The following ANTXR1 variants were observed in gnomAD, a reference collection of about 807,000 sequenced individuals.
ANTXR1 encodes anthrax toxin receptor 1.
In ANTXR1, 19 loss-of-function variants were observed where a neutral mutation model predicts 78.1. That is an observed-to-expected ratio of 0.24 (90% CI 0.17 to 0.36). The LOEUF (loss-of-function observed/expected upper bound fraction) is 0.36. Ranked by LOEUF, ANTXR1 falls within the 10% of genes least tolerant of loss-of-function variation. ANTXR1 has a pLI of 1.00. For missense variants in ANTXR1, 518 were observed against 718.6 expected (o/e 0.72, Z 3.19); for synonymous variants, 273 against 260.5 (o/e 1.05, Z -0.46).
At position 69,044,484 on chromosome 2, in the gene ANTXR1, G is replaced by A. The variant is rs539934029; in HGVS notation, c.225-258G>A. Among the ~76,000 whole-genome samples the A allele has an allele frequency of 3.3e-5, 5 of 152,156 alleles. No individual in the cohort carries two copies. In the South Asian group the frequency reaches 6.2e-4, roughly 19 times the overall value. On this transcript the variant is annotated intron_variant, in intron 2 of 17. Coordinates refer to ENST00000303714, the MANE Select transcript of ANTXR1 (RefSeq NM_032208.3). ...ACAATGAAGTTTATCATTCTTACTC[G>A]TAATCCACACTCACTAAGCAATGAT... is the stretch of plus-strand genomic sequence containing the variant.
intron 17 of ANTXR1, among the ~76,000 whole-genome samples, chr2:69,206,619 T>C (rs1335077671): frequency 6.6e-6 from 1 of 152,202 alleles, no homozygotes; most frequent in Non-Finnish European, 1.5e-5. Flanking sequence ...AGCCATTGCT[T>C]TAGTGTCCCA....
intron 13 of ANTXR1, among the ~76,000 whole-genome samples, chr2:69,158,553 A>C (rs776357937): frequency 6.6e-6 from 1 of 152,210 alleles, no homozygotes; most frequent in African/African-American, 2.4e-5. Context: ...TGGTGGTTCA[A>C]CTTAGAATTT....
chr2:69,052,806 G>A (rs1669963092), intron 3 of ANTXR1, among the ~76,000 whole-genome samples: 1 of 151,998 alleles, frequency 6.6e-6, no homozygotes, highest in South Asian at 2.1e-4. Flanking sequence ...ACATCTGAGA[G>A]AATGTTTCAT....
At chr2:69,060,369 C>A (rs920186295) in intron 3 of ANTXR1, among the ~76,000 whole-genome samples, 2 of 152,268 alleles carry the variant, frequency 1.3e-5, no homozygotes, top group Admixed American at 6.5e-5. Context: ...CTGTCTTCCT[C>A]CAAAGCTCAT....
chr2:69,063,629 T>C (rs1670311013), intron 3 of ANTXR1, among the ~76,000 whole-genome samples: 1 of 151,960 alleles, frequency 6.6e-6, no homozygotes, highest in African/African-American at 2.4e-5. Flanking sequence ...GATAAATATT[T>C]AGGTAAATAT....
intron 6 of ANTXR1, among the ~76,000 whole-genome samples, chr2:69,074,717 A>T (rs1299375827): frequency 1.3e-5 from 2 of 152,230 alleles, no homozygotes; most frequent in African/African-American, 4.8e-5. Flanking sequence ...TCTAGAATTC[A>T]GTGTTAAACA....
At chr2:69,051,168 C>G (rs1266372593) in intron 3 of ANTXR1, among the ~76,000 whole-genome samples, 1 of 152,040 alleles carries the variant, frequency 6.6e-6, no homozygotes, top group Non-Finnish European at 1.5e-5. Context: ...CACCTGTAAT[C>G]CCACCTACTT....
At chr2:69,099,125 C>T (rs1223007823) in intron 9 of ANTXR1, among the ~76,000 whole-genome samples, 6 of 152,330 alleles carry the variant, frequency 3.9e-5, no homozygotes, top group Middle Eastern at 3.4e-3. Context: ...ATTTCTCCCT[C>T]CCTCCAGTCC....
intron 3 of ANTXR1, among the ~76,000 whole-genome samples, chr2:69,064,214 C>T (rs149362836): frequency 6.6e-6 from 1 of 152,210 alleles, no homozygotes; most frequent in East Asian, 1.9e-4. Flanking sequence ...TAGCTTGAAA[C>T]AATAATTTCT....
intron 11 of ANTXR1, 79 bp downstream of exon 11, chr2:69,123,165 A>G (rs747293929): frequency 6.8e-7 from 1 of 1,474,700 alleles, no homozygotes; most frequent in Non-Finnish European, 9.5e-7. Flanking sequence ...AAAAGAAAGC[A>G]TCTAGAGAAA....
At chr2:69,136,840 G>A (rs1477540690) in intron 12 of ANTXR1, among the ~76,000 whole-genome samples, 2 of 152,196 alleles carry the variant, frequency 1.3e-5, no homozygotes, top group Non-Finnish European at 2.9e-5. Flanking sequence ...GGGCATAGAA[G>A]AGGTGAAAAG....
At chr2:69,173,423 T>C (rs1442543366) in intron 14 of ANTXR1, among the ~76,000 whole-genome samples, 1 of 152,148 alleles carries the variant, frequency 6.6e-6, no homozygotes, top group Non-Finnish European at 1.5e-5. Flanking sequence ...CTCCAGACCA[T>C]AGATCATCAG....
intron 16 of ANTXR1, among the ~76,000 whole-genome samples, chr2:69,188,845 GA>G (rs1182731133): frequency 6.6e-6 from 1 of 152,208 alleles, no homozygotes; most frequent in Non-Finnish European, 1.5e-5. Flanking sequence ...AGACTGTTTA[GA>G]AGACTCTTCT....
intron 12 of ANTXR1, among the ~76,000 whole-genome samples, chr2:69,130,643 G>C (rs1672713037): frequency 6.6e-6 from 1 of 152,166 alleles, no homozygotes; most frequent in Non-Finnish European, 1.5e-5. Flanking sequence ...TATATAAGGG[G>C]CTTGAGGTAC....
At chr2:69,140,730 C>A (rs572707831) in intron 12 of ANTXR1, among the ~76,000 whole-genome samples, 4 of 152,180 alleles carry the variant, frequency 2.6e-5, no homozygotes, top group Admixed American at 6.5e-5. Context: ...TCTCCAAAGC[C>A]ACTAGTTTGG....
chr2:69,244,140 G>T (rs898256586), intron 17 of ANTXR1, among the ~76,000 whole-genome samples: 4 of 152,250 alleles, frequency 2.6e-5, no homozygotes, highest in African/African-American at 9.6e-5. Flanking sequence ...GAGAAAGCAT[G>T]CCTGTGACTC....
At chr2:69,185,890 C>T (rs1302063868) in intron 16 of ANTXR1, among the ~76,000 whole-genome samples, 1 of 152,202 alleles carries the variant, frequency 6.6e-6, no homozygotes, top group Non-Finnish European at 1.5e-5. Context: ...ACGTGCAGAG[C>T]ATGAATCCTC....
At chr2:69,146,308 C>T (rs895765221) in intron 12 of ANTXR1, 1 of 985,274 alleles carries the variant, frequency 1.0e-6, no homozygotes, top group African/African-American at 1.7e-5. Context: ...GAGAACTCCC[C>T]CCACCACTTG....
intron 17 of ANTXR1, among the ~76,000 whole-genome samples, chr2:69,234,941 A>C (rs185146555): frequency 9.0e-4 from 134 of 149,490 alleles, no homozygotes; most frequent in Non-Finnish European, 1.6e-3. Flanking sequence ...TTTAGTCCAC[A>C]TTCTATAAAC....
Sources: allele counts gnomAD v4.1 joint callset (sites outside exome capture counted in the v4.1 genomes callset), GRCh38; gene constraint gnomAD v4.1.1; transcripts MANE v1.5; gene names NCBI Gene and HGNC (gene_info 2026-07-23, HGNC 2026-07-21).